Variants in DLGAP1 observed in about 807,000 individuals in gnomAD.
DLGAP1 encodes the protein DLG associated protein 1, also known as disks large-associated protein 1.
A neutral mutation model predicts 90.8 loss-of-function variants in DLGAP1; 11 were observed. The observed-to-expected ratio is 0.12, with a 90% confidence interval of 0.08 to 0.20. DLGAP1 has a LOEUF of 0.20. Among genes scored for constraint, DLGAP1 ranks in the 10% least tolerant of loss-of-function variants. The pLI is 1.00. For synonymous variants in DLGAP1, 558 were observed against 540.7 expected (o/e 1.03, Z -0.44); for missense variants, 1,050 against 1,333.8 (o/e 0.79, Z 3.31).
chr18:3,674,309 A>ATATATATATATATATATATATATATATG (rs1555624007), intron 7 of DLGAP1, among the ~76,000 whole-genome samples: 7 of 140,514 alleles, frequency 5.0e-5, no homozygotes, highest in African/African-American at 2.0e-4. Context: ...ATATATATAT[A>ATATATATATATATATATATATATATATG]TATGTATATT....
chr18:3,592,949 T>C (rs555066667), intron 7 of DLGAP1, among the ~76,000 whole-genome samples: 3 of 148,864 alleles, frequency 2.0e-5, no homozygotes, highest in African/African-American at 7.4e-5. Context: ...AAAATAGACA[T>C]GATCTCACAT....
chr18:4,351,736 G>T (rs2081406461), intron 1 of DLGAP1, among the ~76,000 whole-genome samples: 1 of 152,104 alleles, frequency 6.6e-6, no homozygotes, highest in African/African-American at 2.4e-5. Flanking sequence ...TAGATTTGTT[G>T]TACAAATGTG....
chr18:3,926,538 G>A (rs1004708443), intron 3 of DLGAP1, among the ~76,000 whole-genome samples: 2 of 150,124 alleles, frequency 1.3e-5, no homozygotes, highest in Non-Finnish European at 3.0e-5. Flanking sequence ...ATACATACAT[G>A]CAGACACATC....
intron 1 of DLGAP1, among the ~76,000 whole-genome samples, chr18:4,374,828 G>A (rs932910977): frequency 6.6e-6 from 1 of 152,010 alleles, no homozygotes; most frequent in African/African-American, 2.4e-5. Flanking sequence ...ATATTAGGGA[G>A]TGAAAAAAAT....
chr18:3,853,261 A>G (rs895562658), intron 4 of DLGAP1, among the ~76,000 whole-genome samples: 1 of 152,152 alleles, frequency 6.6e-6, no homozygotes, highest in Non-Finnish European at 1.5e-5. Flanking sequence ...TTCAAGGTAC[A>G]GGTTGAGTAT....
At chr18:3,534,665 C>T (rs2052228523) in intron 9 of DLGAP1, 50 bp from the exon 10 acceptor site, 2 of 1,191,330 alleles carry the variant, frequency 1.7e-6, no homozygotes, top group Non-Finnish European at 1.1e-6. Flanking sequence ...TTCTTTCTTT[C>T]CTTCCTTCCT....
At chr18:3,950,226 G>A (rs1370027340) in intron 3 of DLGAP1, among the ~76,000 whole-genome samples, 1 of 152,146 alleles carries the variant, frequency 6.6e-6, no homozygotes, top group Admixed American at 6.5e-5. Context: ...CATTATTTGT[G>A]GAGAGTTGTG....
At chr18:4,314,934 G>A (rs943116280) in intron 1 of DLGAP1, among the ~76,000 whole-genome samples, 2 of 152,166 alleles carry the variant, frequency 1.3e-5, no homozygotes, top group Non-Finnish European at 2.9e-5. Context: ...CAGGTTTACC[G>A]AGGGACAATA....
At chr18:4,146,308 T>TC (rs946863510) in intron 2 of DLGAP1, among the ~76,000 whole-genome samples, 19 of 152,164 alleles carry the variant, frequency 1.2e-4, no homozygotes, top group Non-Finnish European at 5.9e-5. Context: ...AGTGGTTCAG[T>TC]CCATTCGCCA....
At chr18:3,579,894 C>T (rs987054469) in intron 8 of DLGAP1, among the ~76,000 whole-genome samples, 1 of 152,140 alleles carries the variant, frequency 6.6e-6, no homozygotes, top group Non-Finnish European at 1.5e-5. Context: ...TGGTCTTGCT[C>T]GCCTTCACTC....
chr18:3,580,117 T>C (rs2055400733), intron 8 of DLGAP1: 1 of 1,021,990 alleles, frequency 9.8e-7, no homozygotes, highest in Non-Finnish European at 1.5e-6. Flanking sequence ...CACATTCAAT[T>C]TAGAGAACAA....
intron 5 of DLGAP1, among the ~76,000 whole-genome samples, chr18:3,750,510 G>A (rs931929328): frequency 1.3e-5 from 2 of 152,156 alleles, no homozygotes; most frequent in African/African-American, 2.4e-5. Flanking sequence ...GGGTCGAATG[G>A]TAGTTCCATA....
chr18:3,528,073 T>C (rs1288362757), intron 10 of DLGAP1, among the ~76,000 whole-genome samples: 1 of 152,064 alleles, frequency 6.6e-6, no homozygotes, highest in Non-Finnish European at 1.5e-5. Flanking sequence ...TTTCCCTCTA[T>C]CCTATTTATC....
chr18:3,850,391 CA>C (rs996292450), intron 4 of DLGAP1, among the ~76,000 whole-genome samples: 32 of 142,728 alleles, frequency 2.2e-4, no homozygotes, highest in African/African-American at 5.4e-4. Flanking sequence ...GACTCCATCT[CA>C]AAAAAAAAAT....
chr18:4,025,220 A>G (rs1042065873), intron 2 of DLGAP1, among the ~76,000 whole-genome samples: 1 of 152,154 alleles, frequency 6.6e-6, no homozygotes, highest in East Asian at 1.9e-4. Context: ...TTTCATACCC[A>G]CGGCTCATTT....
At chr18:3,625,291 A>G (rs2058251236) in intron 7 of DLGAP1, among the ~76,000 whole-genome samples, 1 of 152,156 alleles carries the variant, frequency 6.6e-6, no homozygotes, top group South Asian at 2.1e-4. Context: ...AGTTGCACAG[A>G]CAGTTTCTGT....
intron 1 of DLGAP1, among the ~76,000 whole-genome samples, chr18:4,451,591 G>A (rs192209720): frequency 2.3e-4 from 35 of 152,254 alleles, no homozygotes; most frequent in African/African-American, 7.7e-4. Flanking sequence ...CACAACTAGA[G>A]AAAGTCACCT....
intron 9 of DLGAP1, among the ~76,000 whole-genome samples, chr18:3,536,940 G>A (rs2052413747): frequency 6.6e-6 from 1 of 152,118 alleles, no homozygotes; most frequent in Non-Finnish European, 1.5e-5. Flanking sequence ...CATACAAAAA[G>A]AGCTTTGCTG....
At chr18:4,213,138 G>A (rs1474034231) in intron 1 of DLGAP1, among the ~76,000 whole-genome samples, 1 of 152,162 alleles carries the variant, frequency 6.6e-6, no homozygotes, top group Admixed American at 6.5e-5. Flanking sequence ...ATGAGATACA[G>A]TCTCTGCCGT....
Sources: allele counts gnomAD v4.1 joint callset (sites outside exome capture counted in the v4.1 genomes callset), GRCh38; gene constraint gnomAD v4.1.1; transcripts MANE v1.5; gene names NCBI Gene and HGNC (gene_info 2026-07-23, HGNC 2026-07-21).